Variants in PRC1 observed in about 807,000 individuals in gnomAD.
The protein encoded by PRC1 is anaphase spindle elongation 1 homolog.
PRC1 carries 54 observed loss-of-function variants against 91.2 expected under a neutral mutation model. That is an observed-to-expected ratio of 0.59 (90% confidence interval 0.48 to 0.74). The LOEUF (loss-of-function observed/expected upper bound fraction) is 0.74, where lower values mean the gene tolerates loss of function less well. Among genes scored for constraint, PRC1 ranks in the 30% least tolerant of loss-of-function variants. PRC1 has a pLI of 0.00. For synonymous variants in PRC1, 275 were observed against 263.6 expected, an observed-to-expected ratio of 1.04 and a Z score of -0.42; for missense variants, 727 against 746.2, an observed-to-expected ratio of 0.97 and a Z score of 0.30.
Position 90,984,597 on chromosome 15 carries a change from T to C in PRC1, c.144+96A>G. 1 of 1,515,702 alleles carries C rather than the reference T, an allele frequency of 6.6e-7. No individual in the cohort carries two copies. Among genetic ancestry groups the C allele is most frequent in the South Asian group, 1.3e-5 (1 of 79,626 alleles). The allele number at this position is 1,515,702 out of a possible 1,614,324, so 93.9% of individuals were successfully genotyped here. A position where few individuals can be genotyped will look rare whatever the true frequency, so the allele number is the denominator to read the frequency against. The stretch of plus-strand genomic sequence containing the variant: ...ACAGGAAGAGCCTGTGCTATCCTAA[T>C]GCCGATGATCACATGTCCCTTCTGT... On this transcript the variant is annotated intron_variant, in intron 2 of 14. Transcript: ENST00000394249. The surrounding 1 kb of genome is among the most constrained non-coding windows in gnomAD (Gnocchi z 5.1).
rs560125635 is a variant in PRC1 at position 90,976,838 on chromosome 15, T to C, written c.1108-67A>G. On this transcript the variant is annotated intron_variant, in intron 8 of 14. Coordinates refer to ENST00000394249, the MANE Select transcript of PRC1 (RefSeq NM_003981.4). ...ATGAGACCAATAACTTCTGCTAAGA[T>C]TCTTTGTTCTCGCCAGGCGTGGTGA... 5 of 1,368,652 alleles carry C rather than the reference T, an allele frequency of 3.7e-6. No individual in the cohort carries two copies. The African/African-American group carries it at 5.8e-5, about 16-fold the overall frequency. The allele number at this position is 1,368,652 out of a possible 1,614,324, so 84.8% of individuals were successfully genotyped here.
chr15:90,984,977 A>C lies in PRC1; in HGVS notation c.12-152T>G. 2 of 879,980 alleles carry C rather than the reference A, an allele frequency of 2.3e-6. No homozygotes were observed. Among genetic ancestry groups the C allele is most frequent in the East Asian group, 2.6e-5 (1 of 38,092 alleles). The allele number at this position is 879,980 out of a possible 1,614,324, so 54.5% of individuals were successfully genotyped here. A position where few individuals can be genotyped will look rare whatever the true frequency, so the allele number is the denominator to read the frequency against. On this transcript the variant is annotated intron_variant, in intron 1 of 14. Transcript: ENST00000394249. This position sits in a 1 kb window ranked among gnomAD's most constrained non-coding sequence, Gnocchi z 5.1. ...CATTCAGCTTAATTCACCTTTAACC[A>C]CTCCCCATCCCTTTTCCTACCAAAT...
intron 3 of PRC1, chr15:90,982,210 G>T: frequency 1.8e-6 from 1 of 568,394 alleles, no homozygotes; most frequent in East Asian, 3.0e-5. Flanking sequence ...ACTTGTGGTA[G>T]AACACATATA....
chr15:90,979,238 T>C lies in PRC1; in HGVS notation c.1027A>G (p.Asn343Asp). 6.2e-7 allele frequency: 1 copy of C among 1,614,218 alleles called. No homozygotes were observed. The highest frequency in any genetic ancestry group is 8.5e-7 in the Non-Finnish European group (1 of 1,180,032). Residue 343 changes from asparagine (N) to aspartate (D), a missense_variant, in exon 8 of 15, where the codon AAC (asparagine) becomes GAC (aspartate). Transcript: ENST00000394249. The part of the protein sequence containing the change: ...LHDAEIVRLK[N>D]YYEVHKELFE... ...AGTTCCTTGTGAACTTCATAGTAGTTTTTTAACCGCACAATCTCAGCATCG... is the reference window on the plus strand; with the variant it reads ...AGTTCCTTGTGAACTTCATAGTAGTCTTTTAACCGCACAATCTCAGCATCG...
chr15:90,967,797 C>A, intron 14 of PRC1: 1 of 968,792 alleles, frequency 1.0e-6, no homozygotes, highest in Non-Finnish European at 1.2e-6. Flanking sequence ...AATTGCCCCA[C>A]ATTCTCAGAA....
At chr15:90,986,875 TGTAAG>T (rs1189530627) in intron 1 of PRC1, among the ~76,000 whole-genome samples, 1 of 143,918 alleles carries the variant, frequency 6.9e-6, no homozygotes, top group African/African-American at 2.7e-5. Flanking sequence ...AAAAAATAGT[TGTAAG>T]GGGAAGAGGA....
intron 3 of PRC1, among the ~76,000 whole-genome samples, chr15:90,983,533 C>G (rs1000818258): frequency 3.3e-5 from 5 of 152,174 alleles, no homozygotes; most frequent in Non-Finnish European, 1.5e-5. Context: ...TATGCACTCC[C>G]AGTATTCCAG....
intron 11 of PRC1, chr15:90,973,889 TAATC>T (rs1209573770): frequency 5.1e-6 from 2 of 394,488 alleles, no homozygotes; most frequent in Non-Finnish European, 9.2e-6. Context: ...GTGAAAATAG[TAATC>T]AATAAATACT....
At chr15:90,968,273 C>G in intron 14 of PRC1, 1 of 985,472 alleles carries the variant, frequency 1.0e-6, no homozygotes, top group Non-Finnish European at 1.2e-6. Context: ...GAAGCACCAC[C>G]AGCCACGTAA....
Position 90,984,841 on chromosome 15 carries a change from T to C in PRC1, c.12-16A>G, listed in dbSNP as rs1302728170. 1 of 1,613,742 alleles carries C rather than the reference T, an allele frequency of 6.2e-7. No individual in the cohort carries two copies. Among genetic ancestry groups the C allele is most frequent in the Non-Finnish European group, 8.5e-7 (1 of 1,179,880 alleles). On this transcript the variant is annotated splice_polypyrimidine_tract_variant and intron_variant, in intron 1 of 14. Transcript: ENST00000394249. This position sits in a 1 kb window ranked among gnomAD's most constrained non-coding sequence, Gnocchi z 5.1. ...CAGCACCTCACTGAAAACCAAAAAC[T>C]AAGGCCTGTTAGTTACATCAGTCAC...
In PRC1 at chr15:90,980,873, G is replaced by A. The variant is rs200688029; in HGVS notation, c.822+11C>T. Reference sequence around the variant, plus strand: ...GAAGACTGCTGACCCAGTACCCACTGGGTTTCTTACCGCTTTCCGGACCTT... The same window carrying A: ...GAAGACTGCTGACCCAGTACCCACTAGGTTTCTTACCGCTTTCCGGACCTT... On this transcript the variant is annotated intron_variant, in intron 6 of 14. Coordinates refer to ENST00000394249, the MANE Select transcript of PRC1 (RefSeq NM_003981.4). 6.2e-7 allele frequency: 1 copy of A among 1,614,154 alleles called. No individual in the cohort carries two copies. Among genetic ancestry groups the A allele is most frequent in the East Asian group, 2.2e-5 (1 of 44,886 alleles).
At chr15:90,985,474 G>A (rs1371505981) in intron 1 of PRC1, among the ~76,000 whole-genome samples, 13 of 151,404 alleles carry the variant, frequency 8.6e-5, no homozygotes, top group East Asian at 3.9e-4. Flanking sequence ...CAAGTGATCC[G>A]CCCTCCTCGG....
rs1304224073 is a variant in PRC1 at position 90,966,575 on chromosome 15, C to T, written c.*556G>A. ...ATTTAACAAAGCTGCTCCCAGCCTT[C>T]CTGTCACCTCTTTGGCAGTAGGGCA... On this transcript the variant is annotated 3_prime_UTR_variant, in exon 15 of 15. Transcript: ENST00000394249. The T allele has an allele frequency of 6.6e-6, 3 of 456,154 alleles. No individual in the cohort carries two copies. In the Admixed American group the frequency reaches 7.0e-5, roughly 11 times the overall value. The allele number at this position is 456,154 out of a possible 1,614,324, so 28.3% of individuals were successfully genotyped here. A position where few individuals can be genotyped will look rare whatever the true frequency, so the allele number is the denominator to read the frequency against.
intron 14 of PRC1, 32 bp downstream of exon 14, chr15:90,969,047 G>C (rs2037808044): frequency 6.2e-7 from 1 of 1,613,938 alleles, no homozygotes; most frequent in South Asian, 1.1e-5. Flanking sequence ...GATCAGTTTG[G>C]AAAAGGGACA....
rs10679998 is a variant in PRC1 at position 90,993,211 on chromosome 15, C to CTTTT, written c.11+1192_11+1195dup. Reference sequence around the variant, plus strand: ...ACATAATTCATAAACTGTTAATGGACTTTTTTTTTTTTTTTTGAGACGTAG... The same window carrying CTTTT: ...ACATAATTCATAAACTGTTAATGGACTTTTTTTTTTTTTTTTTTTTGAGACGTAG... On this transcript the variant is annotated intron_variant, in intron 1 of 14. Transcript: ENST00000394249. Among the ~76,000 whole-genome samples the CTTTT allele has an allele frequency of 7.6e-4, 93 of 123,060 alleles. 7 individuals carry two copies. Among genetic ancestry groups the CTTTT allele is most frequent in the African/African-American group, 2.5e-3 (80 of 31,942 alleles). The allele number at this position is 123,060 out of a possible 152,430, so 80.7% of individuals were successfully genotyped here. A position where few individuals can be genotyped will look rare whatever the true frequency, so the allele number is the denominator to read the frequency against.
chr15:90,976,634 T>C, intron 9 of PRC1, 42 bp downstream of exon 9: 1 of 1,449,482 alleles, frequency 6.9e-7, no homozygotes, highest in Non-Finnish European at 9.6e-7. Context: ...TAGTGAGGTA[T>C]CTTTGTAACC....
At chr15:90,971,511 A>G (rs2151440518) in intron 11 of PRC1, among the ~76,000 whole-genome samples, 1 of 151,796 alleles carries the variant, frequency 6.6e-6, no homozygotes, top group East Asian at 1.9e-4. Context: ...CCAACTCCTG[A>G]GTTCAAGCAA....
intron 14 of PRC1, chr15:90,968,212 G>C: frequency 1.0e-6 from 1 of 985,408 alleles, no homozygotes; most frequent in Non-Finnish European, 1.2e-6. Flanking sequence ...GAGAAAGCTG[G>C]ACCTCTGTCC....
Position 90,974,693 on chromosome 15 carries a change from T to C in PRC1, c.1242A>G (p.Glu414=). Residue 414 remains glutamate, a synonymous_variant, in exon 10 of 15, where the codon GAA becomes GAG. Transcript: ENST00000394249. The surrounding 1 kb of genome is among the most constrained non-coding windows in gnomAD (Gnocchi z 4.6). ...EELKARIELW[E]QEHSKAFMVN... ...CCATAAATGCCTTTGAATGTTCCTGTTCCCACAATTCAATTCGTGCCTTCA... is the reference window on the plus strand; with the variant it reads ...CCATAAATGCCTTTGAATGTTCCTGCTCCCACAATTCAATTCGTGCCTTCA... 6.2e-7 allele frequency: 1 copy of C among 1,614,230 alleles called. No homozygotes were observed. The highest frequency in any genetic ancestry group is 1.1e-5 in the South Asian group (1 of 91,082).
Sources: gnomAD v4.1 joint callset for allele counts (sites outside exome capture counted in the v4.1 genomes callset) on GRCh38, gnomAD v4.1.1 for gene constraint, Gnocchi (gnomAD v3.1) non-coding constraint, MANE v1.5 for transcripts, NCBI Gene and HGNC (gene_info 2026-07-23, HGNC 2026-07-21) for gene names.